The following NXPE2 variants were observed in gnomAD, a reference collection of about 807,000 sequenced individuals.
NXPE2 encodes the protein neurexophilin and PC-esterase domain family member 2, also known as NXPE family member 2.
NXPE2 carries 34 observed loss-of-function variants against 34.4 expected under a neutral mutation model. The ratio of observed to expected loss-of-function variants is 0.99; its 90% CI spans 0.75 to 1.31. The LOEUF is 1.31. Ranked by LOEUF, NXPE2 falls within the 40% of genes most tolerant of loss-of-function variation. NXPE2 has a pLI of 0.00. For synonymous variants in NXPE2, 235 were observed against 231.3 expected, an observed-to-expected ratio of 1.02 and a Z score of -0.15; for missense variants, 649 against 672.5, an observed-to-expected ratio of 0.97 and a Z score of 0.39.
At chr11:114,672,056 T>G in the NXPE2 span, among the ~76,000 whole-genome samples, 5 of 151,802 alleles carry the variant, frequency 3.3e-5, no homozygotes, top group Non-Finnish European at 4.4e-5. Flanking sequence ...GGGAAAGACA[T>G]AGAGAGAAGG....
intron 2 of NXPE2, among the ~76,000 whole-genome samples, chr11:114,686,086 T>C (rs2135540270): frequency 6.6e-6 from 1 of 152,276 alleles, no homozygotes; most frequent in African/African-American, 2.4e-5. Flanking sequence ...GTACATGAGA[T>C]TTCTCTATAA....
the NXPE2 span, among the ~76,000 whole-genome samples, chr11:114,612,983 C>T: frequency 6.6e-6 from 1 of 151,896 alleles, no homozygotes; most frequent in African/African-American, 2.4e-5. Flanking sequence ...TGCGAGTAAC[C>T]ACTGTTACCC....
chr11:114,588,104 G>T, the NXPE2 span, among the ~76,000 whole-genome samples: 1 of 152,132 alleles, frequency 6.6e-6, no homozygotes, highest in Admixed American at 6.5e-5. Flanking sequence ...CAAAGGGAAT[G>T]ATTCCCCAAA....
At chr11:114,622,800 T>C in the NXPE2 span, among the ~76,000 whole-genome samples, 3 of 152,104 alleles carry the variant, frequency 2.0e-5, no homozygotes, top group East Asian at 5.8e-4. Flanking sequence ...GGATAATTAG[T>C]ATTGCCTCAT....
At chr11:114,482,859 T>C in the NXPE2 span, among the ~76,000 whole-genome samples, 2 of 152,356 alleles carry the variant, frequency 1.3e-5, no homozygotes, top group East Asian at 1.9e-4. Context: ...GATCTGCGAA[T>C]GTACAATCAA....
At chr11:114,510,494 T>C in the NXPE2 span, among the ~76,000 whole-genome samples, 4 of 152,196 alleles carry the variant, frequency 2.6e-5, no homozygotes, top group African/African-American at 9.7e-5. Flanking sequence ...ATGCTAGGAT[T>C]ACAGGTGTAA....
the NXPE2 span, among the ~76,000 whole-genome samples, chr11:114,556,735 T>C: frequency 6.6e-6 from 1 of 152,078 alleles, no homozygotes; most frequent in African/African-American, 2.4e-5. Context: ...CTATGAGAAA[T>C]ATTAGTCTCA....
the NXPE2 span, among the ~76,000 whole-genome samples, chr11:114,601,741 TTATAATA>T: frequency 1.3e-3 from 96 of 71,192 alleles, 3 homozygotes; most frequent in East Asian, 0.017. Flanking sequence ...TTATATATAA[TTATAATA>T]TATAATATAT....
At chr11:114,613,030 T>C in the NXPE2 span, among the ~76,000 whole-genome samples, 1 of 151,966 alleles carries the variant, frequency 6.6e-6, no homozygotes, top group Non-Finnish European at 1.5e-5. Context: ...GTAACCACTG[T>C]TACCTGGTGG....
At chr11:114,692,396 G>A (rs2135550435) in intron 2 of NXPE2, among the ~76,000 whole-genome samples, 1 of 152,292 alleles carries the variant, frequency 6.6e-6, no homozygotes, top group African/African-American at 2.4e-5. Context: ...CTGTGCAGCA[G>A]CTACAGCCAT....
the NXPE2 span, among the ~76,000 whole-genome samples, chr11:114,721,788 T>A: frequency 3.3e-5 from 5 of 152,132 alleles, no homozygotes; most frequent in Admixed American, 1.3e-4. Flanking sequence ...TCTGTCAAAA[T>A]CATAACAATG....
chr11:114,670,064 A>C, the NXPE2 span, among the ~76,000 whole-genome samples: 3 of 152,096 alleles, frequency 2.0e-5, no homozygotes, highest in Admixed American at 2.0e-4. Flanking sequence ...CTATAGAATT[A>C]GAACAAACCT....
the NXPE2 span, among the ~76,000 whole-genome samples, chr11:114,659,418 A>C: frequency 8.5e-6 from 1 of 117,552 alleles, no homozygotes; most frequent in East Asian, 2.8e-4. Flanking sequence ...GGTCAATGAA[A>C]ATTATTCTGT....
At chr11:114,599,750 T>A in the NXPE2 span, among the ~76,000 whole-genome samples, 1 of 152,076 alleles carries the variant, frequency 6.6e-6, no homozygotes, top group African/African-American at 2.4e-5. Context: ...TTGTGAGAAC[T>A]CACTCACTAT....
At chr11:114,579,042 G>A in the NXPE2 span, among the ~76,000 whole-genome samples, 2 of 152,276 alleles carry the variant, frequency 1.3e-5, no homozygotes, top group East Asian at 3.9e-4. Context: ...AATTTATAAG[G>A]AAAGGAGGCT....
Position 114,698,787 on chromosome 11 carries a change from G to C in NXPE2, c.866+9G>C, listed in dbSNP as rs760029939. 6.7e-7 allele frequency: 1 copy of C among 1,501,982 alleles called. No individual in the cohort carries two copies. The highest frequency in any genetic ancestry group is 2.4e-5 in the Admixed American group (1 of 41,558). The allele number at this position is 1,501,982 out of a possible 1,614,324, so 93.0% of individuals were successfully genotyped here. ...TGGAGGCTTTTCCACAGGTAAAGAG[G>C]CTTTTAAATACAATAGCAGATAAAA... On this transcript the variant is annotated intron_variant, in intron 3 of 5. Coordinates refer to ENST00000389586, the MANE Select transcript of NXPE2 (RefSeq NM_182495.6).
At chr11:114,580,047 G>T in the NXPE2 span, 73 of 1,164,804 alleles carry the variant, frequency 6.3e-5, no homozygotes, top group East Asian at 7.1e-5. Flanking sequence ...AAAAAAAGAG[G>T]AATTTCCCAT....
the NXPE2 span, among the ~76,000 whole-genome samples, chr11:114,790,694 A>G: frequency 6.6e-6 from 1 of 152,158 alleles, no homozygotes; most frequent in Non-Finnish European, 1.5e-5. Flanking sequence ...CATTTTAGCA[A>G]TCTTGGTCCT....
the NXPE2 span, among the ~76,000 whole-genome samples, chr11:114,465,212 C>T: frequency 6.6e-6 from 1 of 152,108 alleles, no homozygotes; most frequent in East Asian, 1.9e-4. Flanking sequence ...CACATATGCA[C>T]AAGAAGACAA....
Sources: allele counts gnomAD v4.1 joint callset (sites outside exome capture counted in the v4.1 genomes callset), GRCh38; gene constraint gnomAD v4.1.1; transcripts MANE v1.5; gene names NCBI Gene and HGNC (gene_info 2026-07-23, HGNC 2026-07-21).